PCCA: variants seen among roughly 807,000 people sequenced by gnomAD.
PCCA encodes the protein propionyl-CoA carboxylase alpha chain, mitochondrial.
In PCCA, 74 loss-of-function variants were observed where a neutral mutation model predicts 101.3. The observed-to-expected ratio is 0.73, with a 90% CI of 0.61 to 0.89. The LOEUF (loss-of-function observed/expected upper bound fraction) is 0.89. PCCA is among the 40% of genes least tolerant of loss of function. PCCA has a pLI of 0.00. For synonymous variants in PCCA, 294 were observed against 313.6 expected (o/e 0.94, Z 0.66); for missense variants, 891 against 907.0 (o/e 0.98, Z 0.23).
At chr13:100,233,280 C>G (rs1053638721) in intron 7 of PCCA, among the ~76,000 whole-genome samples, 1 of 152,134 alleles carries the variant, frequency 6.6e-6, no homozygotes, top group African/African-American at 2.4e-5. Flanking sequence ...TGGCCATTAT[C>G]AGATTTTAAT....
intron 6 of PCCA, among the ~76,000 whole-genome samples, chr13:100,206,018 G>A (rs7983901): frequency 0.31 from 47,253 of 151,938 alleles, 8,239 homozygotes; most frequent in East Asian, 0.71. Context: ...ACAGAGCAGC[G>A]CTACTTCCTA....
At chr13:100,497,470 T>A (rs1355624994) in intron 21 of PCCA, among the ~76,000 whole-genome samples, 1 of 152,064 alleles carries the variant, frequency 6.6e-6, no homozygotes, top group Non-Finnish European at 1.5e-5. Context: ...AATTTTTTTT[T>A]TTTTTTTTAA....
intron 19 of PCCA, among the ~76,000 whole-genome samples, chr13:100,412,616 A>G (rs973657991): frequency 3.0e-4 from 45 of 152,192 alleles, no homozygotes; most frequent in Admixed American, 2.9e-3. Flanking sequence ...AGTGCCCTGT[A>G]TACTCTGTAC....
At chr13:100,528,521 G>T (rs1479966662) in intron 23 of PCCA, among the ~76,000 whole-genome samples, 1 of 152,230 alleles carries the variant, frequency 6.6e-6, no homozygotes, top group Admixed American at 6.5e-5. Context: ...TTGCATCAGA[G>T]AGACACACAA....
At chr13:100,425,874 T>A in intron 20 of PCCA, 143 bp downstream of exon 20, 1 of 667,804 alleles carries the variant, frequency 1.5e-6, no homozygotes, top group East Asian at 2.7e-5. Context: ...AACTTTTTCT[T>A]TTCTTATTTT....
At chr13:100,418,716 C>T (rs964160705) in intron 19 of PCCA, among the ~76,000 whole-genome samples, 1 of 151,904 alleles carries the variant, frequency 6.6e-6, no homozygotes, top group African/African-American at 2.4e-5. Flanking sequence ...CACCTGTAAT[C>T]CCAACTACTC....
At chr13:100,298,646 C>T (rs191519638) in intron 12 of PCCA, among the ~76,000 whole-genome samples, 6 of 528 alleles carry the variant, frequency 0.011, 2 homozygotes, top group Non-Finnish European at 0.051. Context: ...CTCCCTCCCT[C>T]CCTCCCTCCC....
At chr13:100,098,205 T>TA (rs1187535523) in intron 1 of PCCA, among the ~76,000 whole-genome samples, 1 of 151,916 alleles carries the variant, frequency 6.6e-6, no homozygotes, top group Non-Finnish European at 1.5e-5. Context: ...CCCCATCTCT[T>TA]AAAAAAACAA....
At chr13:100,403,095 T>G (rs2077463940) in intron 19 of PCCA, among the ~76,000 whole-genome samples, 1 of 151,892 alleles carries the variant, frequency 6.6e-6, no homozygotes, top group Non-Finnish European at 1.5e-5. Flanking sequence ...TTGTAACTGG[T>G]CTATCGAAGT....
intron 20 of PCCA, among the ~76,000 whole-genome samples, chr13:100,441,970 C>A (rs1186803603): frequency 6.7e-6 from 1 of 148,294 alleles, no homozygotes; most frequent in Non-Finnish European, 1.5e-5. Flanking sequence ...TTACATCAAT[C>A]TTTTCTTTTT....
chr13:100,491,629 C>T, intron 21 of PCCA: 1 of 1,302,504 alleles, frequency 7.7e-7, no homozygotes, highest in Non-Finnish European at 1.0e-6. Context: ...AAGCGGTGCA[C>T]TCTTAATAAC....
rs2067006032 is a variant in PCCA at position 100,312,536 on chromosome 13, TA to T, written c.1429+2632del. 2.0e-5 allele frequency among the ~76,000 whole-genome samples: 3 copies of T among 152,210 alleles called. No individual in the cohort carries two copies. The South Asian group carries it at 6.2e-4, about 32-fold the overall frequency. On this transcript the variant is annotated intron_variant, in intron 16 of 23. Transcript: ENST00000376285. Reference sequence around the variant, plus strand: ...GGGAAAATAATCTGGTGTTAGATGTTAAAATAAAAGTGCATACCCTCTGACC... The same window carrying T: ...GGGAAAATAATCTGGTGTTAGATGTTAAATAAAAGTGCATACCCTCTGACC...
intron 16 of PCCA, among the ~76,000 whole-genome samples, chr13:100,327,105 A>C (rs2152726700): frequency 6.6e-6 from 1 of 152,234 alleles, no homozygotes; most frequent in South Asian, 2.1e-4. Flanking sequence ...CTGATATTTA[A>C]AGTATTCAAT....
chr13:100,118,125 G>GAAAAAAAAAA (rs537580846), intron 4 of PCCA, among the ~76,000 whole-genome samples: 7 of 95,308 alleles, frequency 7.3e-5, no homozygotes, highest in Non-Finnish European at 9.2e-5. Flanking sequence ...CAAAAAAAAA[G>GAAAAAAAAAA]AAAAAAAAAA....
intron 21 of PCCA, among the ~76,000 whole-genome samples, chr13:100,474,999 T>C (rs2152959778): frequency 6.6e-6 from 1 of 152,332 alleles, no homozygotes; most frequent in Non-Finnish European, 1.5e-5. Context: ...ATAATTATGT[T>C]TCATTCAATA....
chr13:100,506,959 G>T (rs758017758), intron 21 of PCCA, among the ~76,000 whole-genome samples: 9 of 152,034 alleles, frequency 5.9e-5, no homozygotes, highest in African/African-American at 1.9e-4. Context: ...CTTTAAAAAG[G>T]TACTTTCTTA....
At chr13:100,290,013 C>G (rs1055176719) in intron 12 of PCCA, among the ~76,000 whole-genome samples, 1 of 152,062 alleles carries the variant, frequency 6.6e-6, no homozygotes, top group African/African-American at 2.4e-5. Flanking sequence ...TTCTTTAGCC[C>G]TGAACGGGGG....
chr13:100,121,142 G>T (rs2049329014), intron 4 of PCCA, among the ~76,000 whole-genome samples: 1 of 143,316 alleles, frequency 7.0e-6, no homozygotes, highest in Non-Finnish European at 1.5e-5. Flanking sequence ...GTTTTTTAGT[G>T]GATTTCTTAG....
intron 8 of PCCA, among the ~76,000 whole-genome samples, chr13:100,247,741 C>T (rs2061529146): frequency 6.6e-6 from 1 of 152,016 alleles, no homozygotes; most frequent in South Asian, 2.1e-4. Context: ...GTCTCGGACT[C>T]CTAACCTTAA....
Sources: allele counts gnomAD v4.1 joint callset (sites outside exome capture counted in the v4.1 genomes callset), GRCh38; gene constraint gnomAD v4.1.1; transcripts MANE v1.5; gene names NCBI Gene and HGNC (gene_info 2026-07-23, HGNC 2026-07-21).